LRRIQ1: variants seen among roughly 807,000 people sequenced by gnomAD.
LRRIQ1 encodes the protein leucine-rich repeat- and IQ domain-containing protein 1.
In LRRIQ1, 210 loss-of-function variants were observed where a neutral mutation model predicts 211.9. The observed-to-expected ratio is 0.99, with a 90% CI of 0.89 to 1.11. The LOEUF is 1.11. Among genes scored for constraint, LRRIQ1 ranks in the 50% most tolerant of loss-of-function variants. The pLI is 0.00. For synonymous variants in LRRIQ1, 699 were observed against 650.1 expected (o/e 1.08, Z -1.14); for missense variants, 2,136 against 1,939.5 (o/e 1.10, Z -1.90).
chr12:85,124,418 C>A lies in LRRIQ1; in HGVS notation c.3906C>A (p.Ser1302Arg), dbSNP rs781124149. Residue 1302 changes from serine (S) to arginine (R), a missense_variant, in exon 17 of 27, where the codon AGC becomes AGA. Transcript: ENST00000393217. ...TAGTATGTCAGAAGAGAGAAGACAGCAAGGCAAGCAGTATTCCCACCATAA... is the reference window on the plus strand; with the variant it reads ...TAGTATGTCAGAAGAGAGAAGACAGAAAGGCAAGCAGTATTCCCACCATAA... ...EILVCQKRED[S>R]KASSIPTIRI... is the part of the protein sequence containing the mutation. The A allele has an allele frequency of 5.6e-6, 9 of 1,613,754 alleles. No homozygotes were observed. The highest frequency in any genetic ancestry group is 5.0e-5 in the Admixed American group (3 of 59,996).
intron 10 of LRRIQ1, among the ~76,000 whole-genome samples, chr12:85,068,850 C>T (rs2136081310): frequency 6.6e-6 from 1 of 151,352 alleles, no homozygotes; most frequent in South Asian, 2.1e-4. Flanking sequence ...ACAGAATGTC[C>T]TGCCTCAGGC....
At chr12:85,136,090 A>G (rs1206491796) in intron 18 of LRRIQ1, among the ~76,000 whole-genome samples, 1 of 151,926 alleles carries the variant, frequency 6.6e-6, no homozygotes, top group Non-Finnish European at 1.5e-5. Flanking sequence ...TTTCTTCTAT[A>G]GAAAATCTTG....
chr12:85,054,339 A>G (rs535550090), intron 7 of LRRIQ1, among the ~76,000 whole-genome samples: 1 of 152,326 alleles, frequency 6.6e-6, no homozygotes, highest in East Asian at 1.9e-4. Context: ...AGGCAAAAAG[A>G]CACACCACCT....
chr12:85,084,649 G>A (rs924558389), intron 11 of LRRIQ1, among the ~76,000 whole-genome samples: 39 of 152,094 alleles, frequency 2.6e-4, no homozygotes, highest in Admixed American at 2.6e-3. Context: ...AGTGAGGCTG[G>A]GCATGGTGGC....
intron 24 of LRRIQ1, among the ~76,000 whole-genome samples, chr12:85,209,563 T>C (rs1893735194): frequency 6.6e-6 from 1 of 152,254 alleles, no homozygotes; most frequent in Non-Finnish European, 1.5e-5. Flanking sequence ...TTTTTATTTG[T>C]AAGTTCATCT....
Position 85,172,760 on chromosome 12 carries a change from G to C in LRRIQ1, c.4822+12046G>C, listed in dbSNP as rs533823897. 7.9e-5 allele frequency among the ~76,000 whole-genome samples: 12 copies of C among 152,212 alleles called. No individual in the cohort carries two copies. The East Asian group carries it at 1.2e-3, about 15-fold the overall frequency. On this transcript the variant is annotated intron_variant, in intron 24 of 26. Coordinates refer to ENST00000393217, the MANE Select transcript of LRRIQ1 (RefSeq NM_001079910.2). ...ATATGAGATCTGTCTCTATGTCAAAGGTTCGGGAATTGATGATATTAGGCC... is the reference window on the plus strand; with the variant it reads ...ATATGAGATCTGTCTCTATGTCAAACGTTCGGGAATTGATGATATTAGGCC...
intron 1 of LRRIQ1, among the ~76,000 whole-genome samples, chr12:85,260,150 A>G (rs1957314233): frequency 6.7e-6 from 1 of 148,552 alleles, no homozygotes. Context: ...AAAAAAAAAA[A>G]GCTTATATTA....
intron 18 of LRRIQ1, among the ~76,000 whole-genome samples, chr12:85,131,772 A>G (rs1051335715): frequency 6.6e-6 from 1 of 152,136 alleles, no homozygotes; most frequent in Non-Finnish European, 1.5e-5. Flanking sequence ...GAACAAAAAG[A>G]TGTTAGATAT....
intron 25 of LRRIQ1, among the ~76,000 whole-genome samples, chr12:85,231,328 C>G (rs908717112): frequency 6.6e-6 from 1 of 151,948 alleles, no homozygotes; most frequent in East Asian, 1.9e-4. Flanking sequence ...ACTTTGTGAT[C>G]TGAATTATGT....
chr12:85,192,517 GTTATATAATATAATTATATATAAATA>G (rs1892589205), intron 24 of LRRIQ1, among the ~76,000 whole-genome samples: 3 of 115,494 alleles, frequency 2.6e-5, no homozygotes, highest in African/African-American at 3.4e-5. Context: ...AATATATATA[GTTATATAATATAATTATATATAAATA>G]TATATAGTTA....
chr12:85,154,333 A>C (rs1372025679), intron 23 of LRRIQ1, among the ~76,000 whole-genome samples: 8 of 151,162 alleles, frequency 5.3e-5, no homozygotes, highest in African/African-American at 1.9e-4. Context: ...TTTGCTATTG[A>C]TTGTTCTAGC....
intron 24 of LRRIQ1, among the ~76,000 whole-genome samples, chr12:85,225,141 TTTCA>T (rs1274392929): frequency 6.6e-6 from 1 of 152,150 alleles, no homozygotes; most frequent in Non-Finnish European, 1.5e-5. Flanking sequence ...AGATTTTTTC[TTTCA>T]TTATTTCCTA....
At chr12:85,265,049 G>C (rs1057372813), downstream of LRRIQ1, among the ~76,000 whole-genome samples, 7 of 152,032 alleles carry the variant, frequency 4.6e-5, no homozygotes, top group African/African-American at 1.7e-4. Flanking sequence ...TTGGTTTATG[G>C]AGATAGCCCC....
chr12:85,107,751 C>T (rs1003676720), intron 15 of LRRIQ1, among the ~76,000 whole-genome samples: 21 of 152,036 alleles, frequency 1.4e-4, no homozygotes, highest in African/African-American at 5.1e-4. Flanking sequence ...TCACTCACTC[C>T]GAATAGTTTC....
chr12:85,157,442 C>T (rs902100818), intron 23 of LRRIQ1, among the ~76,000 whole-genome samples: 1 of 151,832 alleles, frequency 6.6e-6, no homozygotes, highest in African/African-American at 2.4e-5. Context: ...TTGGCATAAG[C>T]TTGAACCAAT....
chr12:85,182,512 C>T (rs982072504), intron 24 of LRRIQ1, among the ~76,000 whole-genome samples: 12 of 152,122 alleles, frequency 7.9e-5, no homozygotes, highest in African/African-American at 2.4e-4. Flanking sequence ...CACAAGAATG[C>T]ATTTCCCCAA....
chr12:85,262,172 A>T (rs1336669043), intron 1 of LRRIQ1, among the ~76,000 whole-genome samples: 1 of 152,290 alleles, frequency 6.6e-6, no homozygotes, highest in African/African-American at 2.4e-5. Flanking sequence ...TCTTAGGACT[A>T]GGACTATTGT....
rs746645087 is a variant in LRRIQ1 at position 85,121,688 on chromosome 12, T to C, written c.3378-9T>C. 6.4e-7 allele frequency: 1 copy of C among 1,553,958 alleles called. No homozygotes were observed. The highest frequency in any genetic ancestry group is 1.2e-5 in the South Asian group (1 of 80,500). On this transcript the variant is annotated splice_polypyrimidine_tract_variant and intron_variant, in intron 15 of 26. Coordinates refer to ENST00000393217, the MANE Select transcript of LRRIQ1 (RefSeq NM_001079910.2). ...TCAGGATTATTAACTTTTTTGTTGT[T>C]TTCAATAGGGATTCTCTACTTAAAG...
chr12:85,185,766 T>A (rs1469685613), intron 24 of LRRIQ1, among the ~76,000 whole-genome samples: 1 of 152,136 alleles, frequency 6.6e-6, no homozygotes, highest in East Asian at 1.9e-4. Context: ...ATACATTTTA[T>A]TTTTGCTCTT....
Sources: gnomAD v4.1 joint callset for allele counts (sites outside exome capture counted in the v4.1 genomes callset) on GRCh38, gnomAD v4.1.1 for gene constraint, MANE v1.5 for transcripts, NCBI Gene and HGNC (gene_info 2026-07-23, HGNC 2026-07-21) for gene names.